NET1: variants seen among roughly 807,000 people sequenced by gnomAD.
NET1 encodes the protein neuroepithelial cell-transforming gene 1 protein.
NET1 carries 42 observed loss-of-function variants against 61.1 expected under a neutral mutation model. The observed-to-expected ratio is 0.69, with a 90% CI of 0.54 to 0.89. The LOEUF is 0.89. Among genes scored for constraint, NET1 ranks in the 40% least tolerant of loss-of-function variants. The pLI is 0.00. For synonymous variants in NET1, 254 were observed against 281.8 expected (o/e 0.90, Z 0.99); for missense variants, 654 against 747.3 (o/e 0.88, Z 1.46).
intron 3 of NET1, among the ~76,000 whole-genome samples, chr10:5,433,778 C>T (rs11253177): frequency 0.25 from 37,491 of 151,554 alleles, 4,911 homozygotes; most frequent in Non-Finnish European, 0.29. Context: ...CCCCTCTGTA[C>T]CCTTTATATT....
At chr10:5,436,248 A>ATATATATATT (rs1564462826) in intron 3 of NET1, among the ~76,000 whole-genome samples, 1 of 18,422 alleles carries the variant, frequency 5.4e-5, no homozygotes, top group Non-Finnish European at 9.3e-5. Flanking sequence ...ATATATATAT[A>ATATATATATT]TTTTTTTTTT....
At chr10:5,433,081 TTC>T (rs1832373787) in intron 3 of NET1, among the ~76,000 whole-genome samples, 1 of 152,198 alleles carries the variant, frequency 6.6e-6, no homozygotes, top group Admixed American at 6.5e-5. Flanking sequence ...TATTTTACTT[TTC>T]ATGTACATTC....
In NET1 at chr10:5,431,150, C is replaced by T. The variant is rs148853797; in HGVS notation, c.255+1921C>T. Among the ~76,000 whole-genome samples the T allele has an allele frequency of 8.8e-3, 1,343 of 152,166 alleles. 18 individuals carry two copies. The highest frequency in any genetic ancestry group is 0.03 in the African/African-American group (1,242 of 41,506). On this transcript the variant is annotated intron_variant, in intron 3 of 11. Coordinates refer to ENST00000355029, the MANE Select transcript of NET1 (RefSeq NM_001047160.3). The surrounding 1 kb of genome is among the most constrained non-coding windows in gnomAD (Gnocchi z 4.9). ...CCTCCCAAAGTGCTGGGATTACAGGCGTGAGCCACCGCGCCCGGCCTTAAC... is the reference window on the plus strand; with the variant it reads ...CCTCCCAAAGTGCTGGGATTACAGGTGTGAGCCACCGCGCCCGGCCTTAAC...
In NET1 at chr10:5,449,954, C is replaced by A. The variant is rs913566217; in HGVS notation, c.256-1876C>A. Among the ~76,000 whole-genome samples the A allele has an allele frequency of 6.6e-6, 1 of 152,150 alleles. No homozygotes were observed. The highest frequency in any genetic ancestry group is 1.9e-4 in the East Asian group (1 of 5,202). On this transcript the variant is annotated intron_variant, in intron 3 of 11. Transcript: ENST00000355029. This position sits in a 1 kb window ranked among gnomAD's most constrained non-coding sequence, Gnocchi z 4.4. The stretch of plus-strand genomic sequence containing the variant: ...CAACTGCTTTGTTCCAGTGAAATGT[C>A]GGCATTTCTTACTCTGTGAGGTAAT...
rs1018725068 is a variant in NET1 at position 5,436,061 on chromosome 10, A to G, written c.255+6832A>G. On this transcript the variant is annotated intron_variant, in intron 3 of 11. Coordinates refer to ENST00000355029, the MANE Select transcript of NET1 (RefSeq NM_001047160.3). ...AACTCTGATAGTTAGTGATTATAAC[A>G]CAAACTAGAACACTTCTAAAGAAAT... Among the ~76,000 whole-genome samples, 6 of 151,302 alleles carry G rather than the reference A, an allele frequency of 4.0e-5. No homozygotes were observed. The East Asian group carries it at 1.2e-3, about 29-fold the overall frequency.
chr10:5,431,122 C>T lies in NET1; in HGVS notation c.255+1893C>T, dbSNP rs1250406321. Among the ~76,000 whole-genome samples the T allele has an allele frequency of 6.6e-6, 1 of 152,046 alleles. No individual in the cohort carries two copies. The highest frequency in any genetic ancestry group is 2.4e-5 in the African/African-American group (1 of 41,410). Reference sequence around the variant, plus strand: ...TCCTGACCTCGTGATCCGCCTGCCTCGGCCTCCCAAAGTGCTGGGATTACA... The same window carrying T: ...TCCTGACCTCGTGATCCGCCTGCCTTGGCCTCCCAAAGTGCTGGGATTACA... On this transcript the variant is annotated intron_variant, in intron 3 of 11. Transcript: ENST00000355029. This position sits in a 1 kb window ranked among gnomAD's most constrained non-coding sequence, Gnocchi z 4.9.
In NET1 at chr10:5,456,879, G is replaced by A. The variant is rs1226214091; in HGVS notation, c.1676G>A (p.Gly559Asp). The change falls in exon 12 of 12, where the codon GGC (glycine) becomes GAC (aspartate). Residue 559 changes from glycine to aspartate, a missense_variant. Gly to Asp is a moderately conservative substitution (Grantham distance 94, BLOSUM62 -1). Coordinates refer to ENST00000355029, the MANE Select transcript of NET1 (RefSeq NM_001047160.3). This position sits in a 1 kb window ranked among gnomAD's most constrained non-coding sequence, Gnocchi z 7.0. ...GAAAACGCTTACAGATGTGGCTCTG[G>A]CATGCAGATGGCAGAGGACAGCAAG... ...VDENAYRCGS[G>D]MQMAEDSKSL... is the part of the protein sequence containing the mutation. 6.2e-7 allele frequency: 1 copy of A among 1,614,108 alleles called. No homozygotes were observed. The highest frequency in any genetic ancestry group is 1.1e-5 in the South Asian group (1 of 91,066).
Position 5,456,779 on chromosome 10 carries a change from C to A in NET1, c.1576C>A (p.His526Asn), listed in dbSNP as rs1832808339. 1 of 1,613,158 alleles carries A rather than the reference C, an allele frequency of 6.2e-7. No homozygotes were observed. Among genetic ancestry groups the A allele is most frequent in the Non-Finnish European group, 8.5e-7 (1 of 1,179,494 alleles). ...GCTGCACGAAGAGTGTGAGGGGAACCACCCCTCTGCGAGGAAACTCACAGC... is the reference window on the plus strand; with the variant it reads ...GCTGCACGAAGAGTGTGAGGGGAACAACCCCTCTGCGAGGAAACTCACAGC... ...PELHEECEGN[H>N]PSARKLTAQR... The change falls in exon 12 of 12, where the codon CAC becomes AAC. Residue 526 changes from histidine (H) to asparagine (N), a missense_variant. Transcript: ENST00000355029. The surrounding 1 kb of genome is among the most constrained non-coding windows in gnomAD (Gnocchi z 7.0).
Position 5,453,394 on chromosome 10 carries a change from A to G in NET1, c.691+48A>G, listed in dbSNP as rs777570380. On this transcript the variant is annotated intron_variant, in intron 7 of 11. Transcript: ENST00000355029. The surrounding 1 kb of genome is among the most constrained non-coding windows in gnomAD (Gnocchi z 4.9). ...CATTAAATCTAAAGAGCAGCGGTGC[A>G]TGTAATTTTCAGTCTAAACTTCTAA... 6 of 1,570,198 alleles carry G rather than the reference A, an allele frequency of 3.8e-6. No homozygotes were observed. The South Asian group carries it at 4.4e-5, about 12-fold the overall frequency.
intron 3 of NET1, among the ~76,000 whole-genome samples, chr10:5,436,959 A>G (rs377528342): frequency 2.0e-5 from 3 of 152,312 alleles, no homozygotes; most frequent in South Asian, 4.1e-4. Context: ...ATATAAGAAA[A>G]TGGTGTTCTT....
intron 3 of NET1, among the ~76,000 whole-genome samples, chr10:5,450,200 G>C (rs976389247): frequency 2.0e-5 from 3 of 152,140 alleles, no homozygotes; most frequent in Admixed American, 2.0e-4. Flanking sequence ...CTTTGGAGTT[G>C]ATTATTTGGT....
rs973943728 is a variant in NET1, at chr10:5,431,632, C to T, written c.255+2403C>T. On this transcript the variant is annotated intron_variant, in intron 3 of 11. Transcript: ENST00000355029. The surrounding 1 kb of genome is among the most constrained non-coding windows in gnomAD (Gnocchi z 4.9). ...ATAAAAGCAGAACAAGTGCTTGATT[C>T]TTTTCCTTTGTCAGTTTTCAACAAT... 1.3e-5 allele frequency among the ~76,000 whole-genome samples: 2 copies of T among 152,016 alleles called. No homozygotes were observed. Among genetic ancestry groups the T allele is most frequent in the African/African-American group, 4.8e-5 (2 of 41,382 alleles).
chr10:5,443,538 G>A lies in NET1; in HGVS notation c.256-8292G>A, dbSNP rs1347950520. ...CTCAGAGGGCCTGTTTAGTCCTCTGGTTTTATGCAGCATTGTGACAAGACT... is the reference window on the plus strand; with the variant it reads ...CTCAGAGGGCCTGTTTAGTCCTCTGATTTTATGCAGCATTGTGACAAGACT... On this transcript the variant is annotated intron_variant, in intron 3 of 11. Coordinates refer to ENST00000355029, the MANE Select transcript of NET1 (RefSeq NM_001047160.3). The surrounding 1 kb of genome is among the most constrained non-coding windows in gnomAD (Gnocchi z 4.8). Among the ~76,000 whole-genome samples, 1 of 152,098 alleles carries A rather than the reference G, an allele frequency of 6.6e-6. No homozygotes were observed. Among genetic ancestry groups the A allele is most frequent in the African/African-American group, 2.4e-5 (1 of 41,416 alleles).
intron 1 of NET1, among the ~76,000 whole-genome samples, chr10:5,419,303 CTTGGTTGGTTGG>C (rs71294428): frequency 1.1e-4 from 15 of 142,540 alleles, no homozygotes; most frequent in Middle Eastern, 3.5e-3. Context: ...ATAGTTGGAT[CTTGGTTGGTTGG>C]TTGGTTGGTT....
In NET1 at chr10:5,452,391, G is replaced by T. The variant is rs1832719925; in HGVS notation, c.397G>T (p.Ala133Ser). Residue 133 changes from alanine (A) to serine (S), a missense_variant, in exon 5 of 12, where the codon GCC (alanine) becomes TCC (serine). Coordinates refer to ENST00000355029, the MANE Select transcript of NET1 (RefSeq NM_001047160.3). The surrounding 1 kb of genome is among the most constrained non-coding windows in gnomAD (Gnocchi z 4.0). ...CCTTCGTGGTGACCACAGATCCCCA[G>T]CCTCTGCCCAGAAGTTTTCTAGCAG... ...FTLRGDHRSP[A>S]SAQKFSSRST... 2 of 1,613,172 alleles carry T rather than the reference G, an allele frequency of 1.2e-6. No homozygotes were observed. The highest frequency in any genetic ancestry group is 1.7e-6 in the Non-Finnish European group (2 of 1,179,572).
rs746208601 is a variant in NET1, at chr10:5,454,472, C to G, written c.976C>G (p.Leu326Val). ...VKYPLLLKEI[L>V]KHTPKEHPDV... is the part of the protein sequence containing the mutation. ...ATACCCTTTACTGTTAAAAGAAATT[C>G]TTAAACACACTCCAAAAGAGCACCC... is the stretch of plus-strand genomic sequence containing the variant. Residue 326 changes from leucine (L) to valine (V), a missense_variant, in exon 9 of 12, where the codon CTT becomes GTT. Coordinates refer to ENST00000355029, the MANE Select transcript of NET1 (RefSeq NM_001047160.3). This position sits in a 1 kb window ranked among gnomAD's most constrained non-coding sequence, Gnocchi z 8.1. 2.5e-6 allele frequency: 4 copies of G among 1,614,050 alleles called. No individual in the cohort carries two copies. In the African/African-American group the frequency reaches 4.0e-5, roughly 16 times the overall value.
rs1417700809 is a variant in NET1, at chr10:5,445,252, AGGCCGC to A, written c.256-6577_256-6572del. On this transcript the variant is annotated intron_variant, in intron 3 of 11. Coordinates refer to ENST00000355029, the MANE Select transcript of NET1 (RefSeq NM_001047160.3). ...AAATCTATGAAAAATATTACATTCA[AGGCCGC>A]ACAGACATAACATCTTAAACCTCTT... Among the ~76,000 whole-genome samples, 102 of 152,352 alleles carry A rather than the reference AGGCCGC, an allele frequency of 6.7e-4. 1 individual carries two copies. The East Asian group carries it at 0.013, about 20-fold the overall frequency.
Position 5,456,560 on chromosome 10 carries a change from C to CTT in NET1, c.1385-19_1385-18dup. Reference sequence around the variant, plus strand: ...AATAAACCTTTTTTTAGCCTGATTTCTTTTTTTTTTCCAATTTTTTTTTTC... The same window carrying CTT: ...AATAAACCTTTTTTTAGCCTGATTTCTTTTTTTTTTTTCCAATTTTTTTTTTC... On this transcript the variant is annotated intron_variant, in intron 11 of 11. Transcript: ENST00000355029. This position sits in a 1 kb window ranked among gnomAD's most constrained non-coding sequence, Gnocchi z 7.0. The CTT allele has an allele frequency of 5.1e-6, 7 of 1,376,242 alleles. No individual in the cohort carries two copies. The highest frequency in any genetic ancestry group is 4.9e-6 in the Non-Finnish European group (5 of 1,022,374). 85.3% of individuals were successfully genotyped at this position (1,376,242 alleles called of 1,614,324 possible). A position where few individuals can be genotyped will look rare whatever the true frequency, so the allele number is the denominator to read the frequency against.
In NET1 at chr10:5,412,791, C is replaced by A. The variant is rs765935662; in HGVS notation, c.99C>A (p.Ala33=). Residue 33 remains alanine (A), a synonymous_variant, in exon 1 of 12, where the codon GCC becomes GCA. Transcript: ENST00000355029. The surrounding 1 kb of genome is among the most constrained non-coding windows in gnomAD (Gnocchi z 6.5). ...CGGAGGGAGCGACGGGGCCTTCGGC[C>A]GACACCTCCGGGTCGGAGCTGGACG... is the stretch of plus-strand genomic sequence containing the variant. ...LSTEGATGPS[A]DTSGSELDGR... The A allele has an allele frequency of 4.8e-6, 7 of 1,450,828 alleles. No individual in the cohort carries two copies. The highest frequency in any genetic ancestry group is 3.0e-5 in the African/African-American group (2 of 67,176). The allele number at this position is 1,450,828 out of a possible 1,614,324, so 89.9% of individuals were successfully genotyped here.
Sources: allele counts gnomAD v4.1 joint callset (sites outside exome capture counted in the v4.1 genomes callset), GRCh38; gene constraint gnomAD v4.1.1; non-coding constraint Gnocchi (gnomAD v3.1); transcripts MANE v1.5; gene names NCBI Gene and HGNC (gene_info 2026-07-23, HGNC 2026-07-21).